NOP58: variants seen among roughly 807,000 people sequenced by gnomAD.
NOP58 encodes NOP58 ribonucleoprotein, also known as nucleolar protein 58.
A neutral mutation model predicts 71.2 loss-of-function variants in NOP58; 44 were observed. The observed-to-expected ratio is 0.62, with a 90% confidence interval of 0.49 to 0.79. The LOEUF (loss-of-function observed/expected upper bound fraction) is 0.79. NOP58 is among the 30% of genes least tolerant of loss of function. The probability of loss-of-function intolerance (pLI) is 0.00; values close to 1 mark genes in which losing one functional copy is unlikely to be tolerated. For synonymous variants in NOP58, 228 were observed against 200.3 expected, an observed-to-expected ratio of 1.14 and a Z score of -1.17; for missense variants, 538 against 620.2, an observed-to-expected ratio of 0.87 and a Z score of 1.41.
At chr2:202,294,987 A>G (rs561440171) in intron 9 of NOP58, among the ~76,000 whole-genome samples, 1 of 152,090 alleles carries the variant, frequency 6.6e-6, no homozygotes, top group South Asian at 2.1e-4. Context: ...AAATGCAAGC[A>G]TAACTATTTT....
chr2:202,268,925 C>G (rs980625571), intron 1 of NOP58, among the ~76,000 whole-genome samples: 34 of 151,332 alleles, frequency 2.2e-4, no homozygotes, highest in Admixed American at 1.4e-3. Flanking sequence ...TTTTTTTAAA[C>G]TTCCATTTAC....
chr2:202,266,301 A>G (rs750616675), intron 1 of NOP58, among the ~76,000 whole-genome samples: 2 of 145,460 alleles, frequency 1.4e-5, no homozygotes, highest in African/African-American at 5.0e-5. Flanking sequence ...TGATCGAAAG[A>G]TTTTTTTTTT....
chr2:202,302,851 A>T, intron 13 of NOP58, 70 bp from the exon 14 acceptor site: 1 of 1,515,410 alleles, frequency 6.6e-7, no homozygotes, highest in East Asian at 2.3e-5. Flanking sequence ...ACTAGGACTC[A>T]AACGTTTTTG....
At chr2:202,303,303 A>T in intron 14 of NOP58, 83 bp from the exon 15 acceptor site, 1 of 1,566,352 alleles carries the variant, frequency 6.4e-7, no homozygotes, top group Non-Finnish European at 8.6e-7. Context: ...CTTTTTTTAT[A>T]GGTGGGGTTT....
At chr2:202,298,691 GACAGAAA>G (rs1689038535) in intron 12 of NOP58, among the ~76,000 whole-genome samples, 1 of 152,068 alleles carries the variant, frequency 6.6e-6, no homozygotes. Context: ...AAAGTATAAA[GACAGAAA>G]ACAAGTCTAA....
At chr2:202,288,077 A>G (rs1421935313) in intron 6 of NOP58, among the ~76,000 whole-genome samples, 1 of 152,208 alleles carries the variant, frequency 6.6e-6, no homozygotes, top group Non-Finnish European at 1.5e-5. Flanking sequence ...TATATGAATC[A>G]CAGAATTAAC....
In NOP58 at chr2:202,281,344, C is replaced by T. The variant is rs182221620; in HGVS notation, c.176-1007C>T. 1.2e-4 allele frequency among the ~76,000 whole-genome samples: 18 copies of T among 151,934 alleles called. No individual in the cohort carries two copies. The East Asian group carries it at 2.1e-3, about 18-fold the overall frequency. On this transcript the variant is annotated intron_variant, in intron 3 of 14. Transcript: ENST00000264279. The stretch of plus-strand genomic sequence containing the variant: ...CGTCATGTTAGCCAGGCTGGTCTCT[C>T]GAACTCCTGACCTTAGGTGATCTGC...
intron 10 of NOP58, among the ~76,000 whole-genome samples, chr2:202,297,114 C>T (rs992522724): frequency 1.3e-5 from 2 of 152,258 alleles, no homozygotes; most frequent in East Asian, 1.9e-4. Flanking sequence ...ACTAATGTCA[C>T]TGAGTAGAAA....
chr2:202,290,852 TG>T (rs775646328), intron 7 of NOP58, among the ~76,000 whole-genome samples: 4 of 152,216 alleles, frequency 2.6e-5, no homozygotes, highest in Non-Finnish European at 5.9e-5. Context: ...TTTAAATTTT[TG>T]CCACTTATAT....
chr2:202,293,108 C>CT (rs762411276), intron 9 of NOP58: 134 of 736,664 alleles, frequency 1.8e-4, no homozygotes, highest in Non-Finnish European at 3.0e-4. Context: ...ATGAAGGCAT[C>CT]TTTAGTCACT....
intron 5 of NOP58, among the ~76,000 whole-genome samples, chr2:202,286,628 G>A (rs944508848): frequency 6.6e-6 from 1 of 152,198 alleles, no homozygotes; most frequent in Non-Finnish European, 1.5e-5. Context: ...ACAAAGGTTA[G>A]GGAGAGCTTT....
chr2:202,269,258 G>A (rs1048257284), intron 1 of NOP58, among the ~76,000 whole-genome samples: 2 of 148,366 alleles, frequency 1.3e-5, no homozygotes, highest in Non-Finnish European at 3.0e-5. Flanking sequence ...TGCAACCTCC[G>A]CCTCCTGGGT....
chr2:202,277,884 T>G, intron 2 of NOP58, 66 bp from the exon 3 acceptor site: 1 of 826,190 alleles, frequency 1.2e-6, no homozygotes, highest in South Asian at 1.5e-5. Context: ...CTTTCCAAGT[T>G]ATGTGGCTTT....
At chr2:202,288,221 A>G (rs1332551892) in intron 6 of NOP58, among the ~76,000 whole-genome samples, 2 of 152,134 alleles carry the variant, frequency 1.3e-5, no homozygotes, top group Non-Finnish European at 2.9e-5. Flanking sequence ...ACAGTGGCTC[A>G]TGCCTGTAAT....
chr2:202,290,660 T>C (rs1209500193), intron 7 of NOP58, among the ~76,000 whole-genome samples: 1 of 152,204 alleles, frequency 6.6e-6, no homozygotes, highest in Non-Finnish European at 1.5e-5. Flanking sequence ...TAACATGATA[T>C]TAGTACCTAA....
chr2:202,277,910 C>T (rs747982063), intron 2 of NOP58, 40 bp from the exon 3 acceptor site: 27 of 1,059,090 alleles, frequency 2.5e-5, no homozygotes, highest in Non-Finnish European at 3.7e-5. Flanking sequence ...CAACGCACTG[C>T]CCCCAATAAC....
Position 202,276,473 on chromosome 2 carries a change from A to G in NOP58, c.122+1284A>G. ...TGTATTCTTCTTGGAACTGAATCTA[A>G]GTGATCTGACTCAATATTCGTCACT... On this transcript the variant is annotated intron_variant, in intron 2 of 14. Transcript: ENST00000264279. The G allele has an allele frequency of 7.8e-6, 4 of 516,114 alleles. No individual in the cohort carries two copies. The Middle Eastern group carries it at 1.3e-3, about 168-fold the overall frequency. The allele number at this position is 516,114 out of a possible 1,614,324, so 32.0% of individuals were successfully genotyped here.
intron 1 of NOP58, 59 bp from the exon 2 acceptor site, chr2:202,275,054 C>A: frequency 2.7e-6 from 2 of 735,630 alleles, no homozygotes; most frequent in Admixed American, 2.9e-5. Context: ...TTGAAGAATG[C>A]AGCTGTATAT....
At chr2:202,298,930 T>G (rs1004944706) in intron 12 of NOP58, among the ~76,000 whole-genome samples, 7 of 151,460 alleles carry the variant, frequency 4.6e-5, no homozygotes, top group Non-Finnish European at 1.0e-4. Flanking sequence ...AATTATACTT[T>G]CAGGAGTCAT....
Sources: gnomAD v4.1 joint callset for allele counts (sites outside exome capture counted in the v4.1 genomes callset) on GRCh38, gnomAD v4.1.1 for gene constraint, MANE v1.5 for transcripts, NCBI Gene and HGNC (gene_info 2026-07-23, HGNC 2026-07-21) for gene names.